The following KIAA0825 variants were observed in gnomAD, a reference collection of about 807,000 sequenced individuals.
The protein encoded by KIAA0825 is uncharacterized protein KIAA0825.
Under a neutral mutation model 147.6 loss-of-function variants are expected in KIAA0825, and 119 were observed. The ratio of observed to expected loss-of-function variants is 0.81; its 90% CI spans 0.69 to 0.94. KIAA0825 has a LOEUF of 0.94. Among genes scored for constraint, KIAA0825 ranks in the 40% least tolerant of loss-of-function variants. The probability of loss-of-function intolerance (pLI) is 0.00; values close to 1 mark genes in which losing one functional copy is unlikely to be tolerated. For missense variants in KIAA0825, 1,381 were observed against 1,472.7 expected (o/e 0.94, Z 1.02); for synonymous variants, 470 against 518.1 (o/e 0.91, Z 1.26).
intron 15 of KIAA0825, among the ~76,000 whole-genome samples, chr5:94,412,097 A>G (rs1752846329): frequency 6.6e-6 from 1 of 152,240 alleles, no homozygotes; most frequent in Non-Finnish European, 1.5e-5. Context: ...TGCAATATAT[A>G]TAAAGAACCC....
intron 2 of KIAA0825, among the ~76,000 whole-genome samples, chr5:94,544,716 C>T (rs899651619): frequency 1.3e-5 from 2 of 152,074 alleles, no homozygotes; most frequent in South Asian, 4.1e-4. Flanking sequence ...CTTTTAATGT[C>T]TCATACTAAG....
chr5:94,607,557 C>A lies in KIAA0825; in HGVS notation c.-153+10943G>T, dbSNP rs114741856. ...CCACGAGACGGAGGTTGTAGTGAGC[C>A]AAGATCATGCCACTGCCTTCTACCC... On this transcript the variant is annotated intron_variant, in intron 1 of 20. Transcript: ENST00000682413. Among the ~76,000 whole-genome samples, 311 of 152,196 alleles carry A rather than the reference C, an allele frequency of 2.0e-3. 2 individuals carry two copies. The highest frequency in any genetic ancestry group is 7.3e-3 in the African/African-American group (303 of 41,530).
chr5:94,548,151 T>G (rs984545953), intron 2 of KIAA0825, among the ~76,000 whole-genome samples: 20 of 152,172 alleles, frequency 1.3e-4, no homozygotes, highest in African/African-American at 4.8e-4. Context: ...GTATGTAAAT[T>G]ACTCATATCT....
intron 20 of KIAA0825, among the ~76,000 whole-genome samples, chr5:94,232,705 G>T (rs1774794728): frequency 6.6e-6 from 1 of 151,752 alleles, no homozygotes; most frequent in African/African-American, 2.4e-5. Context: ...ATGTTTATTT[G>T]TTTTGCCAAA....
At chr5:94,284,924 T>A (rs564605922) in intron 20 of KIAA0825, among the ~76,000 whole-genome samples, 169 of 152,304 alleles carry the variant, frequency 1.1e-3, no homozygotes, top group South Asian at 3.5e-3. Flanking sequence ...TTGTGATTTG[T>A]GTGTATGTCT....
At chr5:94,509,538 C>T (rs541509940) in intron 5 of KIAA0825, among the ~76,000 whole-genome samples, 53 of 152,248 alleles carry the variant, frequency 3.5e-4, no homozygotes, top group African/African-American at 1.2e-3. Flanking sequence ...ATCACTTGTC[C>T]ATAAACATAG....
intron 20 of KIAA0825, among the ~76,000 whole-genome samples, chr5:94,302,700 G>A (rs932400049): frequency 6.6e-6 from 1 of 151,998 alleles, no homozygotes; most frequent in Non-Finnish European, 1.5e-5. Context: ...GAACTAGATA[G>A]TTTTAAACAA....
intron 20 of KIAA0825, among the ~76,000 whole-genome samples, chr5:94,295,146 C>G (rs1170103831): frequency 1.3e-5 from 2 of 151,888 alleles, no homozygotes; most frequent in East Asian, 3.9e-4. Context: ...CTAATCTTGT[C>G]TTCATGCTTT....
chr5:94,550,175 T>C (rs1775250359), intron 2 of KIAA0825, among the ~76,000 whole-genome samples: 2 of 152,144 alleles, frequency 1.3e-5, no homozygotes, highest in African/African-American at 2.4e-5. Flanking sequence ...ATGTGCTCAC[T>C]TACCTGTGGA....
chr5:94,203,334 T>C (rs1172271711), intron 20 of KIAA0825, among the ~76,000 whole-genome samples: 1 of 152,208 alleles, frequency 6.6e-6, no homozygotes, highest in Non-Finnish European at 1.5e-5. Context: ...GGAAGAGTGA[T>C]GATCTTAGTT....
intron 17 of KIAA0825, among the ~76,000 whole-genome samples, chr5:94,393,136 T>C (rs1158341941): frequency 1.3e-5 from 2 of 152,182 alleles, no homozygotes; most frequent in Non-Finnish European, 2.9e-5. Context: ...ATTCAGTCAA[T>C]GCTATGATTA....
At chr5:94,437,872 G>C (rs545631123) in intron 14 of KIAA0825, among the ~76,000 whole-genome samples, 30 of 152,296 alleles carry the variant, frequency 2.0e-4, no homozygotes, top group African/African-American at 6.3e-4. Context: ...AGACTATAAA[G>C]TTTAAGTGAA....
At chr5:94,504,817 G>A (rs1420773101) in intron 5 of KIAA0825, among the ~76,000 whole-genome samples, 2 of 147,066 alleles carry the variant, frequency 1.4e-5, no homozygotes, top group African/African-American at 5.0e-5. Context: ...GCGTAATCTC[G>A]GCTTACTGCA....
chr5:94,292,982 T>C (rs1490899617), intron 20 of KIAA0825, among the ~76,000 whole-genome samples: 2 of 152,164 alleles, frequency 1.3e-5, no homozygotes, highest in African/African-American at 4.8e-5. Context: ...TTTTATTGTG[T>C]CTTTTTGATT....
In KIAA0825 at chr5:94,405,728, A is replaced by T. The variant is rs1751964081; in HGVS notation, c.2663-1935T>A. 2.0e-5 allele frequency among the ~76,000 whole-genome samples: 3 copies of T among 152,288 alleles called. No homozygotes were observed. In the South Asian group the frequency reaches 6.2e-4, roughly 32 times the overall value. ...GGAAGTGATAGAACAGACAGTAAGT[A>T]GTACGGCAACGATGTATTCTCTAGT... On this transcript the variant is annotated intron_variant, in intron 15 of 20. Coordinates refer to ENST00000682413, the MANE Select transcript of KIAA0825 (RefSeq NM_001145678.3).
intron 20 of KIAA0825, among the ~76,000 whole-genome samples, chr5:94,206,022 G>A (rs774232950): frequency 5.9e-5 from 9 of 152,012 alleles, no homozygotes; most frequent in Non-Finnish European, 1.3e-4. Context: ...TAGTAATTTT[G>A]TGATTGTTGG....
intron 13 of KIAA0825, among the ~76,000 whole-genome samples, chr5:94,451,805 C>A (rs925120013): frequency 6.6e-6 from 1 of 152,018 alleles, no homozygotes; most frequent in African/African-American, 2.4e-5. Flanking sequence ...TAGGTTAAAG[C>A]AAATGTGATA....
intron 2 of KIAA0825, among the ~76,000 whole-genome samples, chr5:94,546,827 T>A (rs2151412009): frequency 7.6e-6 from 1 of 130,806 alleles, no homozygotes; most frequent in African/African-American, 2.9e-5. Context: ...TCCGCAAGCA[T>A]CAAGACCATC....
At chr5:94,277,416 AAAAC>A (rs1431075948) in intron 20 of KIAA0825, among the ~76,000 whole-genome samples, 1 of 152,176 alleles carries the variant, frequency 6.6e-6, no homozygotes, top group Non-Finnish European at 1.5e-5. Context: ...TTACAAGAAA[AAAAC>A]AAACAACCCT....
Sources: gnomAD v4.1 joint callset for allele counts (sites outside exome capture counted in the v4.1 genomes callset) on GRCh38, gnomAD v4.1.1 for gene constraint, MANE v1.5 for transcripts, NCBI Gene and HGNC (gene_info 2026-07-23, HGNC 2026-07-21) for gene names.